The following ADAMTS9 variants were observed in gnomAD, a reference collection of about 807,000 sequenced individuals.
The protein encoded by ADAMTS9 is ADAM metallopeptidase with thrombospondin type 1 motif 9, also known as A disintegrin and metalloproteinase with thrombospondin motifs 9.
A neutral mutation model predicts 257.1 loss-of-function variants in ADAMTS9; 107 were observed. That is an observed-to-expected ratio of 0.42 (90% CI 0.36 to 0.49). The LOEUF is 0.49. Among genes scored for constraint, ADAMTS9 ranks in the 20% least tolerant of loss-of-function variants. ADAMTS9 has a pLI of 0.03. For synonymous variants in ADAMTS9, 982 were observed against 880.9 expected (o/e 1.11, Z -2.03); for missense variants, 2,353 against 2,469.1 (o/e 0.95, Z 1.00).
At chr3:64,663,407 C>T (rs1211542663) in intron 3 of ADAMTS9, among the ~76,000 whole-genome samples, 2 of 148,546 alleles carry the variant, frequency 1.3e-5, no homozygotes, top group Non-Finnish European at 3.0e-5. Context: ...GAACAACACT[C>T]AGGAAATGTT....
intron 11 of ADAMTS9, among the ~76,000 whole-genome samples, chr3:64,646,728 C>T (rs1700801552): frequency 2.0e-5 from 3 of 152,144 alleles, no homozygotes; most frequent in Admixed American, 2.0e-4. Context: ...GATCCTTTAA[C>T]ACTGAAAAAA....
chr3:64,550,947 T>C lies in ADAMTS9; in HGVS notation c.4814A>G (p.Glu1605Gly). Residue 1605 changes from glutamate (E) to glycine (G), a missense_variant, in exon 31 of 40, where the codon GAA becomes GGA. Glu to Gly is a moderately conservative substitution (Grantham distance 98, BLOSUM62 -2). Around this residue, in one of 3 missense-constraint regions of ADAMTS9, gnomAD observed 1,402 missense variants for 1,441.4 expected, o/e 0.97. Transcript: ENST00000498707. Reference sequence around the variant, plus strand: ...CTCGCAGGGTTGCAAACTACAGCTTTCACGGTCCACCGGCCGCTTGCTCAC... The same window carrying C: ...CTCGCAGGGTTGCAAACTACAGCTTCCACGGTCCACCGGCCGCTTGCTCAC... ...CDVSKRPVDRESCSLQPCEYV... is the reference protein window; with the variant it reads ...CDVSKRPVDRGSCSLQPCEYV... 1 of 1,614,178 alleles carries C rather than the reference T, an allele frequency of 6.2e-7. No homozygotes were observed. The highest frequency in any genetic ancestry group is 8.5e-7 in the Non-Finnish European group (1 of 1,180,028).
At chr3:64,531,774 G>A (rs2082984466) in intron 38 of ADAMTS9, among the ~76,000 whole-genome samples, 1 of 152,204 alleles carries the variant, frequency 6.6e-6, no homozygotes, top group African/African-American at 2.4e-5. Flanking sequence ...GTTCTGCCTT[G>A]TAATAAAACC....
intron 30 of ADAMTS9, among the ~76,000 whole-genome samples, chr3:64,553,049 A>C (rs1223536613): frequency 1.3e-5 from 2 of 152,018 alleles, no homozygotes; most frequent in African/African-American, 4.8e-5. Context: ...TTTGGTGATA[A>C]AATACACAAA....
At chr3:64,624,129 A>C (rs1700171336) in intron 16 of ADAMTS9, among the ~76,000 whole-genome samples, 1 of 151,956 alleles carries the variant, frequency 6.6e-6, no homozygotes, top group Non-Finnish European at 1.5e-5. Flanking sequence ...AGATGAATAC[A>C]TTCTGGAGAT....
At chr3:64,634,213 T>G (rs2106899928) in intron 12 of ADAMTS9, among the ~76,000 whole-genome samples, 1 of 152,278 alleles carries the variant, frequency 6.6e-6, no homozygotes, top group African/African-American at 2.4e-5. Flanking sequence ...ATTAGGCCAC[T>G]TTTTGTTCCT....
Position 64,633,501 on chromosome 3 carries a change from T to A in ADAMTS9, c.2146A>T (p.Asn716Tyr). 6.2e-7 allele frequency: 1 copy of A among 1,614,102 alleles called. No individual in the cohort carries two copies. Among genetic ancestry groups the A allele is most frequent in the Non-Finnish European group, 8.5e-7 (1 of 1,180,000 alleles). ...CAAAGGCCCTGGACACAGATATCAT[T>A]TGTGTCCTGGCCACAAGGAGTTCCA... ...IDGTPCGQDT[N>Y]DICVQGLCRQ... The change falls in exon 14 of 40, where the codon AAT becomes TAT. Residue 716 changes from asparagine (N) to tyrosine (Y), a missense_variant. Physicochemically the swap from Asn to Tyr is moderately radical, Grantham distance 143. Coordinates refer to ENST00000498707, the MANE Select transcript of ADAMTS9 (RefSeq NM_182920.2).
intron 3 of ADAMTS9, among the ~76,000 whole-genome samples, chr3:64,660,122 A>G (rs1469906847): frequency 1.3e-5 from 2 of 152,228 alleles, no homozygotes; most frequent in Non-Finnish European, 1.5e-5. Flanking sequence ...TTAACTTGAC[A>G]ATCAGATCAT....
chr3:64,519,394 T>C (rs1224262490), intron 39 of ADAMTS9, among the ~76,000 whole-genome samples: 2 of 151,936 alleles, frequency 1.3e-5, no homozygotes, highest in African/African-American at 2.4e-5. Flanking sequence ...ACCAATCCTA[T>C]TGAAACAATT....
At chr3:64,638,666 G>A (rs1343385788) in intron 12 of ADAMTS9, among the ~76,000 whole-genome samples, 1 of 152,122 alleles carries the variant, frequency 6.6e-6, no homozygotes, top group Non-Finnish European at 1.5e-5. Context: ...TATACCAGTT[G>A]AGACCAAAAT....
chr3:64,573,079 TAAAA>T (rs57570382), intron 28 of ADAMTS9, among the ~76,000 whole-genome samples: 34 of 119,962 alleles, frequency 2.8e-4, no homozygotes, highest in Admixed American at 6.3e-4. Context: ...GACTCCATCT[TAAAA>T]AAAAAAAAAA....
intron 30 of ADAMTS9, among the ~76,000 whole-genome samples, chr3:64,553,308 T>A (rs543562098): frequency 6.6e-6 from 1 of 152,222 alleles, no homozygotes; most frequent in African/African-American, 2.4e-5. Flanking sequence ...TCATCCAATA[T>A]GTGGCCTTTA....
At chr3:64,654,005 A>G (rs374390451) in intron 8 of ADAMTS9, among the ~76,000 whole-genome samples, 1 of 152,192 alleles carries the variant, frequency 6.6e-6, no homozygotes, top group South Asian at 2.1e-4. Flanking sequence ...TTAAATCAGG[A>G]AAGTTCTCTA....
chr3:64,589,614 C>G (rs920224717), intron 28 of ADAMTS9: 2 of 152,136 alleles, frequency 1.3e-5, no homozygotes, highest in African/African-American at 4.8e-5. Context: ...GAGAAGTTAT[C>G]TTATTTCTCA....
At chr3:64,546,353 G>A (rs935247341) in intron 32 of ADAMTS9, among the ~76,000 whole-genome samples, 2 of 151,972 alleles carry the variant, frequency 1.3e-5, no homozygotes, top group Non-Finnish European at 2.9e-5. Flanking sequence ...GTGTCATATC[G>A]ACACTAAAAA....
At chr3:64,523,747 G>A (rs1000196226) in intron 38 of ADAMTS9, among the ~76,000 whole-genome samples, 1 of 152,120 alleles carries the variant, frequency 6.6e-6, no homozygotes, top group Non-Finnish European at 1.5e-5. Context: ...TCCATTTTGT[G>A]AATTTTTTTG....
chr3:64,575,391 T>C (rs2083814044), intron 28 of ADAMTS9, among the ~76,000 whole-genome samples: 1 of 152,206 alleles, frequency 6.6e-6, no homozygotes, highest in African/African-American at 2.4e-5. Context: ...AGAATGCTAT[T>C]TGGCTCCCGT....
At chr3:64,587,212 A>G (rs948682313) in intron 28 of ADAMTS9, 9 of 152,214 alleles carry the variant, frequency 5.9e-5, no homozygotes, top group African/African-American at 2.2e-4. Flanking sequence ...AGGAACACCC[A>G]CTGAAGTTTT....
intron 14 of ADAMTS9, among the ~76,000 whole-genome samples, chr3:64,633,066 T>C (rs564759901): frequency 6.6e-6 from 1 of 152,280 alleles, no homozygotes; most frequent in African/African-American, 2.4e-5. Flanking sequence ...GAAACTTGAG[T>C]GAGGCCAGCT....
Sources: gnomAD v4.1 joint callset for allele counts (sites outside exome capture counted in the v4.1 genomes callset) on GRCh38, gnomAD v4.1.1 for gene constraint, gnomAD v4.1.1 regional missense constraint, MANE v1.5 for transcripts, NCBI Gene and HGNC (gene_info 2026-07-23, HGNC 2026-07-21) for gene names.